Variants in EVI5 observed in about 807,000 individuals in gnomAD.
The protein encoded by EVI5 is ecotropic viral integration site 5, also known as ecotropic viral integration site 5 protein homolog.
A neutral mutation model predicts 112.0 loss-of-function variants in EVI5; 73 were observed. That is an observed-to-expected ratio of 0.65 (90% CI 0.54 to 0.79). The LOEUF (loss-of-function observed/expected upper bound fraction) is 0.79, where lower values mean the gene tolerates loss of function less well. Among genes scored for constraint, EVI5 ranks in the 30% least tolerant of loss-of-function variants. The probability of loss-of-function intolerance (pLI) is 0.00; values close to 1 mark genes in which losing one functional copy is unlikely to be tolerated. For missense variants in EVI5, 900 were observed against 968.8 expected (o/e 0.93, Z 0.94); for synonymous variants, 305 against 319.9 (o/e 0.95, Z 0.50).
intron 18 of EVI5, among the ~76,000 whole-genome samples, chr1:92,569,643 C>T (rs1195672626): frequency 6.6e-6 from 1 of 151,900 alleles, no homozygotes; most frequent in Non-Finnish European, 1.5e-5. Context: ...ATCACGAGGT[C>T]AAGAGATCGA....
chr1:92,636,587 T>C (rs1440360164), intron 13 of EVI5, among the ~76,000 whole-genome samples: 1 of 152,230 alleles, frequency 6.6e-6, no homozygotes, highest in East Asian at 1.9e-4. Context: ...TGATCAAATC[T>C]GATTCATATA....
At chr1:92,739,726 C>G (rs940442353) in intron 1 of EVI5, among the ~76,000 whole-genome samples, 4 of 151,880 alleles carry the variant, frequency 2.6e-5, no homozygotes, top group Admixed American at 2.0e-4. Flanking sequence ...CTTAACTTCC[C>G]TAAAATAGAT....
chr1:92,678,623 G>A (rs1168176871), intron 9 of EVI5, among the ~76,000 whole-genome samples: 1 of 152,072 alleles, frequency 6.6e-6, no homozygotes, highest in Admixed American at 6.5e-5. Context: ...GAGTAAGCAC[G>A]ATATGCAACT....
chr1:92,748,470 T>C (rs1317791406), intron 1 of EVI5, among the ~76,000 whole-genome samples: 3 of 152,210 alleles, frequency 2.0e-5, no homozygotes, highest in Non-Finnish European at 1.5e-5. Context: ...TCTGTCTAAA[T>C]TCCTGACCCA....
intron 1 of EVI5, among the ~76,000 whole-genome samples, chr1:92,770,615 C>A (rs905974698): frequency 6.6e-6 from 1 of 151,800 alleles, no homozygotes; most frequent in Non-Finnish European, 1.5e-5. Context: ...ACAGTGAAAC[C>A]CTGATTCTAC....
At position 92,648,075 on chromosome 1, in the gene EVI5, G is replaced by A. The variant is rs984678866; in HGVS notation, c.1393-11739C>T. On this transcript the variant is annotated intron_variant, in intron 13 of 19. Transcript: ENST00000684568. ...TAACCATTTTAAAGTGGCCAGGCAC[G>A]GTGGCTCACGCCTGTAATCCCAGCA... is the stretch of plus-strand genomic sequence containing the variant. Among the ~76,000 whole-genome samples, 12 of 142,664 alleles carry A rather than the reference G, an allele frequency of 8.4e-5. 1 individual carries two copies. The highest frequency in any genetic ancestry group is 3.4e-4 in the Admixed American group (5 of 14,722). The allele number at this position is 142,664 out of a possible 152,430, so 93.6% of individuals were successfully genotyped here.
chr1:92,776,182 G>A (rs1684111532), intron 1 of EVI5, among the ~76,000 whole-genome samples: 1 of 150,424 alleles, frequency 6.6e-6, no homozygotes, highest in Non-Finnish European at 1.5e-5. Context: ...CCAAATATTA[G>A]AAGGAAAAAA....
chr1:92,650,070 G>T (rs1661825231), intron 13 of EVI5, among the ~76,000 whole-genome samples: 1 of 151,926 alleles, frequency 6.6e-6, no homozygotes, highest in Admixed American at 6.6e-5. Flanking sequence ...GTACTACTTT[G>T]ACTACTCTAG....
chr1:92,670,025 G>A (rs950523328), intron 10 of EVI5, among the ~76,000 whole-genome samples: 1 of 152,182 alleles, frequency 6.6e-6, no homozygotes. Context: ...TGTTGGCAAA[G>A]TAGTCATTAA....
intron 1 of EVI5, among the ~76,000 whole-genome samples, chr1:92,784,101 A>G (rs1158634217): frequency 6.6e-6 from 1 of 152,228 alleles, no homozygotes; most frequent in East Asian, 1.9e-4. Flanking sequence ...GAGGAAAGCG[A>G]GGAAACCATT....
At chr1:92,646,849 G>A (rs1661060315) in intron 13 of EVI5, among the ~76,000 whole-genome samples, 1 of 152,158 alleles carries the variant, frequency 6.6e-6, no homozygotes, top group South Asian at 2.1e-4. Context: ...GAGTGTTCCA[G>A]ACACACATGA....
intron 13 of EVI5, among the ~76,000 whole-genome samples, chr1:92,646,874 C>T (rs927242839): frequency 1.4e-4 from 21 of 152,084 alleles, no homozygotes; most frequent in African/African-American, 5.1e-4. Flanking sequence ...TTCAGGTAAA[C>T]CACTGACAAT....
intron 15 of EVI5, among the ~76,000 whole-genome samples, chr1:92,625,091 T>G (rs1655393874): frequency 6.6e-6 from 1 of 152,170 alleles, no homozygotes; most frequent in African/African-American, 2.4e-5. Flanking sequence ...TCATATTATC[T>G]TCAATGAAAT....
chr1:92,653,137 C>T (rs1662419545), intron 13 of EVI5, among the ~76,000 whole-genome samples: 1 of 152,188 alleles, frequency 6.6e-6, no homozygotes, highest in Non-Finnish European at 1.5e-5. Flanking sequence ...GGGTGCTATA[C>T]TGGGAGCACA....
At chr1:92,583,448 T>G (rs1259604793) in intron 18 of EVI5, among the ~76,000 whole-genome samples, 4 of 136,256 alleles carry the variant, frequency 2.9e-5, no homozygotes, top group Non-Finnish European at 6.1e-5. Flanking sequence ...GAGGCGGAGG[T>G]TGCGGTAAGC....
chr1:92,632,962 G>A (rs1657540290), intron 14 of EVI5, among the ~76,000 whole-genome samples: 1 of 152,184 alleles, frequency 6.6e-6, no homozygotes, highest in Admixed American at 6.5e-5. Flanking sequence ...AGGTTGTTCA[G>A]TTTCCATGCA....
At chr1:92,548,944 GC>G (rs1255354434) in intron 19 of EVI5, among the ~76,000 whole-genome samples, 1 of 152,136 alleles carries the variant, frequency 6.6e-6, no homozygotes, top group Non-Finnish European at 1.5e-5. Context: ...TACATTCAAT[GC>G]CATCCCCATC....
intron 10 of EVI5, among the ~76,000 whole-genome samples, chr1:92,669,776 T>A (rs1665551836): frequency 6.6e-6 from 1 of 152,142 alleles, no homozygotes; most frequent in South Asian, 2.1e-4. Flanking sequence ...ATAGAAAGGT[T>A]AATAACTAAA....
intron 9 of EVI5, among the ~76,000 whole-genome samples, chr1:92,686,258 A>C (rs1668516478): frequency 6.6e-6 from 1 of 152,224 alleles, no homozygotes; most frequent in Admixed American, 6.5e-5. Context: ...AAAATCAATA[A>C]ACATAATCCA....
Sources: allele counts gnomAD v4.1 joint callset (sites outside exome capture counted in the v4.1 genomes callset), GRCh38; gene constraint gnomAD v4.1.1; transcripts MANE v1.5; gene names NCBI Gene and HGNC (gene_info 2026-07-23, HGNC 2026-07-21).